Variants in GRIP1 observed in about 807,000 individuals in gnomAD.
GRIP1 encodes glutamate receptor interacting protein 1, also known as glutamate receptor-interacting protein 1.
In GRIP1, 45 loss-of-function variants were observed where a neutral mutation model predicts 129.9. The observed-to-expected ratio is 0.35, with a 90% CI of 0.27 to 0.44. The LOEUF is 0.44. Among genes scored for constraint, GRIP1 ranks in the 20% least tolerant of loss-of-function variants. The pLI is 1.00. For synonymous variants in GRIP1, 530 were observed against 520.8 expected, an observed-to-expected ratio of 1.02 and a Z score of -0.24; for missense variants, 1,196 against 1,396.8, an observed-to-expected ratio of 0.86 and a Z score of 2.29.
At chr12:66,792,364 C>T (rs1209234047) in intron 1 of GRIP1, among the ~76,000 whole-genome samples, 1 of 152,062 alleles carries the variant, frequency 6.6e-6, no homozygotes, top group East Asian at 1.9e-4. Flanking sequence ...ACCCCCTTCT[C>T]CCAAGTAGCT....
At chr12:66,693,432 C>T (rs2035046531) in intron 1 of GRIP1, among the ~76,000 whole-genome samples, 1 of 152,188 alleles carries the variant, frequency 6.6e-6, no homozygotes, top group South Asian at 2.1e-4. Context: ...ATATTTGGGG[C>T]ATACATTCTC....
intron 11 of GRIP1, among the ~76,000 whole-genome samples, chr12:66,450,320 AAAAAAAAAAAAAAG>A: frequency 6.7e-6 from 1 of 149,136 alleles, no homozygotes; most frequent in East Asian, 1.9e-4. Flanking sequence ...AAAAAAAAAA[AAAAAAAAAAAAAAG>A]AAAGAGCCAA....
chr12:66,396,585 T>A (rs2056796943), intron 16 of GRIP1, among the ~76,000 whole-genome samples: 1 of 152,212 alleles, frequency 6.6e-6, no homozygotes, highest in Non-Finnish European at 1.5e-5. Flanking sequence ...GACATTTTTT[T>A]ATTGGCATCT....
chr12:66,979,223 A>AAAAAAAAAAAAAAAC, intron 1 of GRIP1, among the ~76,000 whole-genome samples: 1 of 59,240 alleles, frequency 1.7e-5, no homozygotes, highest in Non-Finnish European at 3.3e-5. Context: ...TTCTCTTCTT[A>AAAAAAAAAAAAAAAC]AAAAAAAAAA....
chr12:66,437,777 T>C (rs1251997606), intron 13 of GRIP1, among the ~76,000 whole-genome samples: 1 of 152,104 alleles, frequency 6.6e-6, no homozygotes, highest in African/African-American at 2.4e-5. Context: ...GTGCACACAA[T>C]GTTCAACAAA....
chr12:66,857,913 G>A (rs1251360770), intron 1 of GRIP1, among the ~76,000 whole-genome samples: 1 of 151,984 alleles, frequency 6.6e-6, no homozygotes, highest in Non-Finnish European at 1.5e-5. Flanking sequence ...TGAAACTACA[G>A]GTAAAGCCAT....
At chr12:66,686,730 T>C (rs962764350) in intron 1 of GRIP1, among the ~76,000 whole-genome samples, 12 of 152,090 alleles carry the variant, frequency 7.9e-5, no homozygotes, top group Non-Finnish European at 1.5e-4. Flanking sequence ...TAGGAAGGAG[T>C]TAAGTTTTCC....
chr12:66,862,608 C>T (rs1171815564), intron 1 of GRIP1, among the ~76,000 whole-genome samples: 1 of 152,026 alleles, frequency 6.6e-6, no homozygotes, highest in Admixed American at 6.6e-5. Flanking sequence ...AAGAGCATGG[C>T]GGGGTGAGGG....
At chr12:66,843,819 T>C (rs2039765122) in intron 1 of GRIP1, among the ~76,000 whole-genome samples, 1 of 152,124 alleles carries the variant, frequency 6.6e-6, no homozygotes, top group African/African-American at 2.4e-5. Context: ...GGATATAATA[T>C]TTAAACATAA....
chr12:67,023,651 A>T (rs1201976412), intron 1 of GRIP1, among the ~76,000 whole-genome samples: 2 of 152,108 alleles, frequency 1.3e-5, no homozygotes, highest in Non-Finnish European at 2.9e-5. Context: ...TCTACTAAAA[A>T]ATGTCTGCTG....
chr12:66,380,442 G>A (rs553195632), intron 19 of GRIP1, among the ~76,000 whole-genome samples: 6 of 152,248 alleles, frequency 3.9e-5, no homozygotes, highest in South Asian at 2.1e-4. Flanking sequence ...AGCCTGCTGC[G>A]TTTATTGTTT....
intron 1 of GRIP1, among the ~76,000 whole-genome samples, chr12:66,999,397 G>A (rs539052455): frequency 6.6e-5 from 10 of 152,222 alleles, no homozygotes; most frequent in Admixed American, 5.9e-4. Flanking sequence ...TTACTAGTGG[G>A]GGTAGAGCCA....
chr12:66,700,200 C>T (rs988002368), intron 1 of GRIP1, among the ~76,000 whole-genome samples: 6 of 152,050 alleles, frequency 3.9e-5, no homozygotes, highest in African/African-American at 1.5e-4. Flanking sequence ...GAAAGATGTT[C>T]CAGGCAGAGG....
chr12:66,827,387 T>TGTGTGTGTGTGTGTGAGAGAGA (rs755458052), intron 1 of GRIP1, among the ~76,000 whole-genome samples: 1 of 108,294 alleles, frequency 9.2e-6, no homozygotes, highest in East Asian at 3.6e-4. Flanking sequence ...TGTGTGTGTG[T>TGTGTGTGTGTGTGTGAGAGAGA]GAGAGAGAGA....
chr12:66,641,082 T>C (rs2031881885), intron 1 of GRIP1, among the ~76,000 whole-genome samples: 3 of 152,260 alleles, frequency 2.0e-5, no homozygotes, highest in African/African-American at 7.2e-5. Context: ...TTTTTCCTCA[T>C]TTTAGACAAA....
chr12:66,711,504 A>G (rs933561578), intron 1 of GRIP1, among the ~76,000 whole-genome samples: 2 of 151,998 alleles, frequency 1.3e-5, no homozygotes, highest in Non-Finnish European at 2.9e-5. Context: ...CTAAGCCATG[A>G]CATATATCAA....
intron 1 of GRIP1, among the ~76,000 whole-genome samples, chr12:66,888,209 T>A (rs2040598015): frequency 6.8e-6 from 1 of 146,370 alleles, no homozygotes; most frequent in Non-Finnish European, 1.5e-5. Context: ...GCGCACACCA[T>A]CACACCCAGC....
intron 17 of GRIP1, among the ~76,000 whole-genome samples, chr12:66,393,655 G>C (rs1181048686): frequency 6.6e-6 from 1 of 152,188 alleles, no homozygotes; most frequent in Non-Finnish European, 1.5e-5. Flanking sequence ...ATCTCAGAAA[G>C]AAATGCAGTT....
intron 1 of GRIP1, among the ~76,000 whole-genome samples, chr12:66,751,492 G>T: frequency 6.6e-6 from 1 of 152,104 alleles, no homozygotes; most frequent in East Asian, 1.9e-4. Context: ...CTGCCAAAAG[G>T]GTAAGGTGGA....
Sources: allele counts gnomAD v4.1 joint callset (sites outside exome capture counted in the v4.1 genomes callset), GRCh38; gene constraint gnomAD v4.1.1; transcripts MANE v1.5; gene names NCBI Gene and HGNC (gene_info 2026-07-23, HGNC 2026-07-21).